The following NALCN variants were observed in gnomAD, a reference collection of about 807,000 sequenced individuals.
The protein encoded by NALCN is sodium leak channel, non-selective, also known as sodium leak channel NALCN.
In NALCN, 111 loss-of-function variants were observed where a neutral mutation model predicts 225.3. That is an observed-to-expected ratio of 0.49 (90% CI 0.42 to 0.58). The LOEUF (loss-of-function observed/expected upper bound fraction) is 0.58. NALCN is among the 20% of genes least tolerant of loss of function. The pLI is 0.00. For synonymous variants in NALCN, 764 were observed against 769.0 expected (o/e 0.99, Z 0.11); for missense variants, 1,378 against 2,202.4 (o/e 0.63, Z 7.49).
intron 7 of NALCN, among the ~76,000 whole-genome samples, chr13:101,337,411 C>T (rs578112700): frequency 4.6e-5 from 7 of 151,940 alleles, no homozygotes; most frequent in African/African-American, 9.7e-5. Flanking sequence ...CAGATTCAAG[C>T]GATTCTCCTG....
At chr13:101,286,577 A>G (rs1461725769) in intron 9 of NALCN, among the ~76,000 whole-genome samples, 1 of 152,172 alleles carries the variant, frequency 6.6e-6, no homozygotes. Flanking sequence ...CCAACTTTAT[A>G]TGAGAGAGAA....
At chr13:101,410,180 T>C (rs1417772337) in intron 1 of NALCN, among the ~76,000 whole-genome samples, 1 of 152,218 alleles carries the variant, frequency 6.6e-6, no homozygotes, top group Non-Finnish European at 1.5e-5. Flanking sequence ...ACACTCAAGC[T>C]GAGGCCTCCT....
intron 13 of NALCN, among the ~76,000 whole-genome samples, chr13:101,228,197 G>A (rs1302894658): frequency 6.6e-6 from 1 of 152,054 alleles, no homozygotes. Flanking sequence ...CATTATAAAA[G>A]GATGAATTCC....
At chr13:101,173,755 T>C (rs1262976350) in intron 15 of NALCN, among the ~76,000 whole-genome samples, 1 of 152,158 alleles carries the variant, frequency 6.6e-6, no homozygotes, top group Non-Finnish European at 1.5e-5. Context: ...CTACTCTCTA[T>C]CTGGGAGTAG....
intron 15 of NALCN, among the ~76,000 whole-genome samples, chr13:101,165,133 A>G (rs2038376434): frequency 6.6e-6 from 1 of 152,170 alleles, no homozygotes; most frequent in Non-Finnish European, 1.5e-5. Context: ...TACAAATATC[A>G]TTCTCTATGC....
At chr13:101,226,070 C>T (rs1371777802) in intron 13 of NALCN, among the ~76,000 whole-genome samples, 2 of 152,120 alleles carry the variant, frequency 1.3e-5, no homozygotes, top group African/African-American at 4.8e-5. Flanking sequence ...ACTGGATTGA[C>T]AGAGCAGGAG....
At chr13:101,361,302 T>C (rs1419848671) in intron 6 of NALCN, among the ~76,000 whole-genome samples, 1 of 152,164 alleles carries the variant, frequency 6.6e-6, no homozygotes, top group African/African-American at 2.4e-5. Flanking sequence ...TAAACACTAT[T>C]TGTGAGGGAC....
chr13:101,268,327 T>C (rs891136325), intron 10 of NALCN, among the ~76,000 whole-genome samples: 1 of 152,156 alleles, frequency 6.6e-6, no homozygotes, highest in Non-Finnish European at 1.5e-5. Context: ...ATTTACATTA[T>C]GGAAAGCAGA....
chr13:101,409,925 A>G (rs1454170198), intron 1 of NALCN, among the ~76,000 whole-genome samples: 1 of 152,134 alleles, frequency 6.6e-6, no homozygotes, highest in Non-Finnish European at 1.5e-5. Flanking sequence ...TCTCTAATGT[A>G]TTTGGAGGTG....
In NALCN at chr13:101,275,783, T is replaced by C. The variant is rs1304923783; in HGVS notation, c.1134+8150A>G. The stretch of plus-strand genomic sequence containing the variant: ...CTTATCTATGTTCCTAGGCTTTTCT[T>C]TTTCACCACGAGTCATCTTGTCCCC... On this transcript the variant is annotated intron_variant, in intron 10 of 43. Transcript: ENST00000251127. Among the ~76,000 whole-genome samples, 4 of 151,970 alleles carry C rather than the reference T, an allele frequency of 2.6e-5. No homozygotes were observed. The East Asian group carries it at 7.7e-4, about 29-fold the overall frequency.
At chr13:101,180,125 T>C (rs1309609158) in intron 14 of NALCN, among the ~76,000 whole-genome samples, 2 of 152,018 alleles carry the variant, frequency 1.3e-5, no homozygotes, top group Non-Finnish European at 2.9e-5. Flanking sequence ...AATAAGGTCG[T>C]GTTCATAGGT....
intron 12 of NALCN, among the ~76,000 whole-genome samples, chr13:101,237,548 A>G (rs2041606874): frequency 6.6e-6 from 1 of 151,802 alleles, no homozygotes; most frequent in African/African-American, 2.4e-5. Flanking sequence ...AATTTTCAGG[A>G]GTTTTAAAAA....
intron 17 of NALCN, 193 bp downstream of exon 17, chr13:101,142,887 C>T: frequency 1.4e-6 from 1 of 703,516 alleles, no homozygotes; most frequent in Non-Finnish European, 2.3e-6. Flanking sequence ...CAAAAGCTTA[C>T]ACGGGCAAAT....
At chr13:101,306,620 C>T (rs539200686) in intron 7 of NALCN, among the ~76,000 whole-genome samples, 137 of 152,300 alleles carry the variant, frequency 9.0e-4, no homozygotes, top group Non-Finnish European at 1.7e-3. Flanking sequence ...CCATCGTCCT[C>T]CACCTCAGCA....
intron 13 of NALCN, among the ~76,000 whole-genome samples, chr13:101,225,654 G>C (rs1490846589): frequency 6.6e-6 from 1 of 152,168 alleles, no homozygotes; most frequent in African/African-American, 2.4e-5. Flanking sequence ...CTGAAAAAGG[G>C]GGTCTCTGCC....
chr13:101,345,485 ATG>A, intron 6 of NALCN, 65 bp from the exon 7 acceptor site: 1 of 1,512,494 alleles, frequency 6.6e-7, no homozygotes, highest in Non-Finnish European at 9.1e-7. Context: ...ACAATGAATA[ATG>A]TAATTACCCT....
intron 6 of NALCN, among the ~76,000 whole-genome samples, chr13:101,359,126 A>T (rs146915969): frequency 0.032 from 4,914 of 152,280 alleles, 270 homozygotes; most frequent in African/African-American, 0.11. Context: ...GCAAACCACC[A>T]TGGCACATGT....
chr13:101,329,845 C>A (rs1336366744), intron 7 of NALCN, among the ~76,000 whole-genome samples: 1 of 151,762 alleles, frequency 6.6e-6, no homozygotes, highest in Non-Finnish European at 1.5e-5. Context: ...TCTAAACCAG[C>A]CTGGCCGAAA....
chr13:101,058,359 A>T, intron 42 of NALCN: 1 of 249,852 alleles, frequency 4.0e-6, no homozygotes, highest in East Asian at 1.0e-4. Flanking sequence ...CTTCGCTGGC[A>T]AACCAGGGGG....
Sources: gnomAD v4.1 joint callset for allele counts (sites outside exome capture counted in the v4.1 genomes callset) on GRCh38, gnomAD v4.1.1 for gene constraint, MANE v1.5 for transcripts, NCBI Gene and HGNC (gene_info 2026-07-23, HGNC 2026-07-21) for gene names.